Variants in EPB41L4B observed in about 807,000 individuals in gnomAD.
The protein encoded by EPB41L4B is erythrocyte membrane protein band 4.1 like 4B, also known as band 4.1-like protein 4B.
In EPB41L4B, 30 loss-of-function variants were observed where a neutral mutation model predicts 112.5. The observed-to-expected ratio is 0.27, with a 90% CI of 0.20 to 0.36. The LOEUF (loss-of-function observed/expected upper bound fraction) is 0.36, where lower values mean the gene tolerates loss of function less well. Among genes scored for constraint, EPB41L4B ranks in the 10% least tolerant of loss-of-function variants. The pLI, the probability that EPB41L4B is intolerant of heterozygous loss-of-function variation, is 1.00. For missense variants in EPB41L4B, 1,024 were observed against 1,133.3 expected (o/e 0.90, Z 1.38); for synonymous variants, 408 against 439.7 (o/e 0.93, Z 0.90).
At position 109,219,980 on chromosome 9, in the gene EPB41L4B, G is replaced by A. The variant is rs866843117; in HGVS notation, c.1410-2835C>T. 1.3e-4 allele frequency among the ~76,000 whole-genome samples: 20 copies of A among 152,254 alleles called. No individual in the cohort carries two copies. In the Middle Eastern group the frequency reaches 0.01, roughly 78 times the overall value. On this transcript the variant is annotated intron_variant, in intron 15 of 25. Transcript: ENST00000374566. ...CACAAAGAAAGACAAGATGAGCAGA[G>A]GTTAGAGGTAGTCAGAGAGAGAAGA...
chr9:109,220,857 C>T (rs541392156), intron 15 of EPB41L4B, among the ~76,000 whole-genome samples: 3 of 152,254 alleles, frequency 2.0e-5, no homozygotes, highest in South Asian at 2.1e-4. Flanking sequence ...CATCCCTCCT[C>T]GCCTCTCCAA....
intron 1 of EPB41L4B, among the ~76,000 whole-genome samples, chr9:109,287,971 T>A (rs1294756656): frequency 6.6e-6 from 1 of 152,242 alleles, no homozygotes; most frequent in Non-Finnish European, 1.5e-5. Flanking sequence ...TCAAGTCATG[T>A]CACTTTGTAC....
At chr9:109,247,647 T>C in intron 14 of EPB41L4B, 109 bp downstream of exon 14, 1 of 672,352 alleles carries the variant, frequency 1.5e-6, no homozygotes, top group Non-Finnish European at 2.3e-6. Context: ...ATTACAAATA[T>C]GATGACTGCT....
intron 4 of EPB41L4B, among the ~76,000 whole-genome samples, chr9:109,265,557 C>CAT (rs1289211395): frequency 6.6e-6 from 1 of 151,556 alleles, no homozygotes; most frequent in African/African-American, 2.4e-5. Flanking sequence ...CACAAACACA[C>CAT]ACACACACAC....
intron 2 of EPB41L4B, among the ~76,000 whole-genome samples, chr9:109,270,124 C>T (rs2119093217): frequency 6.6e-6 from 1 of 152,068 alleles, no homozygotes; most frequent in South Asian, 2.1e-4. Flanking sequence ...CCTAAATGTC[C>T]ATCAACAAAG....
chr9:109,245,362 A>G (rs1834514920), intron 14 of EPB41L4B, among the ~76,000 whole-genome samples: 1 of 152,236 alleles, frequency 6.6e-6, no homozygotes, highest in African/African-American at 2.4e-5. Flanking sequence ...AACCTTAGCC[A>G]CAGACCTGGA....
Position 109,174,685 on chromosome 9 carries a change from C to G in EPB41L4B, c.2634-62G>C, listed in dbSNP as rs369563065. 7 of 1,414,390 alleles carry G rather than the reference C, an allele frequency of 4.9e-6. No homozygotes were observed. The African/African-American group carries it at 5.6e-5, about 11-fold the overall frequency. The allele number at this position is 1,414,390 out of a possible 1,614,324, so 87.6% of individuals were successfully genotyped here. A position where few individuals can be genotyped will look rare whatever the true frequency, so the allele number is the denominator to read the frequency against. On this transcript the variant is annotated intron_variant, in intron 25 of 25. Transcript: ENST00000374566. ...CCTCAAAAATTGCAGAAGCAGACAG[C>G]TTAAGTATCATCTCCCAGGTTCTTT...
At chr9:109,179,909 T>C (rs547534510) in intron 24 of EPB41L4B, among the ~76,000 whole-genome samples, 2 of 152,186 alleles carry the variant, frequency 1.3e-5, no homozygotes, top group Non-Finnish European at 2.9e-5. Context: ...TGGATGCCAC[T>C]GTCCTCCCAC....
chr9:109,313,944 G>T (rs1018865021), intron 1 of EPB41L4B, among the ~76,000 whole-genome samples: 3 of 152,232 alleles, frequency 2.0e-5, no homozygotes, highest in African/African-American at 7.2e-5. Flanking sequence ...AGTGTTTAAT[G>T]AAACTGTAGA....
intron 14 of EPB41L4B, among the ~76,000 whole-genome samples, chr9:109,245,665 T>C (rs907395224): frequency 2.6e-5 from 4 of 152,212 alleles, no homozygotes; most frequent in Non-Finnish European, 5.9e-5. Context: ...CTGGCTGACC[T>C]TGCAGTGCTT....
intron 14 of EPB41L4B, among the ~76,000 whole-genome samples, 197 bp from the exon 15 acceptor site, chr9:109,243,879 A>T (rs915677819): frequency 6.6e-6 from 1 of 152,244 alleles, no homozygotes; most frequent in African/African-American, 2.4e-5. Context: ...GCTGGCACCC[A>T]GTGCCGGTTC....
intron 14 of EPB41L4B, among the ~76,000 whole-genome samples, chr9:109,245,188 G>C (rs569482527): frequency 6.6e-6 from 1 of 152,346 alleles, no homozygotes; most frequent in East Asian, 1.9e-4. Flanking sequence ...GATTTGCCCA[G>C]AGTCTAACTG....
intron 24 of EPB41L4B, 141 bp downstream of exon 24, chr9:109,182,588 A>G: frequency 1.5e-6 from 1 of 683,048 alleles, no homozygotes. Flanking sequence ...GCAGACTGCA[A>G]ATCCAAGTTT....
At chr9:109,316,085 T>A (rs1837623613) in intron 1 of EPB41L4B, among the ~76,000 whole-genome samples, 1 of 152,082 alleles carries the variant, frequency 6.6e-6, no homozygotes, top group Admixed American at 6.5e-5. Flanking sequence ...CCTCCCAACA[T>A]CCCCATTTGA....
chr9:109,265,433 G>A (rs10979781), intron 4 of EPB41L4B, among the ~76,000 whole-genome samples: 2 of 152,200 alleles, frequency 1.3e-5, no homozygotes, highest in Non-Finnish European at 2.9e-5. Flanking sequence ...GATCTGCTGC[G>A]GTGGATTGTA....
intron 15 of EPB41L4B, chr9:109,241,007 T>C: frequency 1.0e-6 from 1 of 985,344 alleles, no homozygotes. Context: ...CCTGTATCTA[T>C]ATAACATCTA....
intron 22 of EPB41L4B, among the ~76,000 whole-genome samples, chr9:109,186,768 C>A (rs1389714135): frequency 2.0e-5 from 3 of 152,342 alleles, no homozygotes; most frequent in Middle Eastern, 3.4e-3. Context: ...CAGGCATGAT[C>A]CATTGTGCCC....
chr9:109,271,630 G>GAGGA (rs1270977656), intron 2 of EPB41L4B, among the ~76,000 whole-genome samples: 17 of 152,340 alleles, frequency 1.1e-4, no homozygotes, highest in African/African-American at 3.6e-4. Flanking sequence ...GCTCGGCTTT[G>GAGGA]AGGACTGTAT....
rs1038722588 is a variant in EPB41L4B, at chr9:109,267,321, C to T, written c.533+152G>A. On this transcript the variant is annotated intron_variant, in intron 4 of 25. Transcript: ENST00000374566. ...ATTAAGCAAAGTTGTGGATTTTTAACGGAACACGGAAGCACCGGAAAAGTA... is the reference window on the plus strand; with the variant it reads ...ATTAAGCAAAGTTGTGGATTTTTAATGGAACACGGAAGCACCGGAAAAGTA... 56 of 478,024 alleles carry T rather than the reference C, an allele frequency of 1.2e-4. No individual in the cohort carries two copies. In the South Asian group the frequency reaches 1.5e-3, roughly 13 times the overall value. The allele number at this position is 478,024 out of a possible 1,614,324, so 29.6% of individuals were successfully genotyped here.
Sources: gnomAD v4.1 joint callset for allele counts (sites outside exome capture counted in the v4.1 genomes callset) on GRCh38, gnomAD v4.1.1 for gene constraint, MANE v1.5 for transcripts, NCBI Gene and HGNC (gene_info 2026-07-23, HGNC 2026-07-21) for gene names.